MAP3K7: variants seen among roughly 807,000 people sequenced by gnomAD.
MAP3K7 encodes TGF-beta activated kinase 1.
In MAP3K7, 21 loss-of-function variants were observed where a neutral mutation model predicts 84.8. The ratio of observed to expected loss-of-function variants is 0.25; its 90% CI spans 0.18 to 0.36. The LOEUF is 0.36. Ranked by LOEUF, MAP3K7 falls within the 10% of genes least tolerant of loss-of-function variation. The pLI is 1.00. For synonymous variants in MAP3K7, 241 were observed against 247.7 expected, an observed-to-expected ratio of 0.97 and a Z score of 0.25; for missense variants, 503 against 747.7, an observed-to-expected ratio of 0.67 and a Z score of 3.82.
At chr6:90,560,362 T>C (rs930477895) in intron 4 of MAP3K7, 148 bp from the exon 5 acceptor site, 4 of 869,232 alleles carry the variant, frequency 4.6e-6, no homozygotes, top group Admixed American at 3.0e-5. Flanking sequence ...TTTTACTTTC[T>C]TTTTTCTTTT....
At chr6:90,525,681 T>A in intron 13 of MAP3K7, among the ~76,000 whole-genome samples, 1 of 150,212 alleles carries the variant, frequency 6.7e-6, no homozygotes, top group East Asian at 2.0e-4. Context: ...GATCCTTCCA[T>A]CTCAGCCTCC....
chr6:90,579,510 A>G (rs1468855439), intron 1 of MAP3K7, among the ~76,000 whole-genome samples: 1 of 152,106 alleles, frequency 6.6e-6, no homozygotes, highest in Admixed American at 6.6e-5. Flanking sequence ...TCTCCCATCC[A>G]GGTTTTTTGC....
intron 1 of MAP3K7, among the ~76,000 whole-genome samples, chr6:90,575,948 C>G (rs958503351): frequency 6.6e-6 from 1 of 152,034 alleles, no homozygotes; most frequent in African/African-American, 2.4e-5. Flanking sequence ...AATGTACTTT[C>G]TAGCGTATGT....
chr6:90,576,874 T>C (rs1393658004), intron 1 of MAP3K7, among the ~76,000 whole-genome samples: 1 of 152,124 alleles, frequency 6.6e-6, no homozygotes. Flanking sequence ...AAGGTAAGGC[T>C]GGAGGGACAG....
Position 90,552,154 on chromosome 6 carries a change from A to C in MAP3K7, c.762T>G (p.Asn254Lys), listed in dbSNP as rs2127974480. 1 of 1,610,892 alleles carries C rather than the reference A, an allele frequency of 6.2e-7. No homozygotes were observed. The highest frequency in any genetic ancestry group is 2.2e-5 in the East Asian group (1 of 44,804). The change falls in exon 8 of 17, where the codon AAT (asparagine) becomes AAG (lysine). Residue 254 changes from asparagine (N) to lysine (K), a missense_variant. Coordinates refer to ENST00000369329, the MANE Select transcript of MAP3K7 (RefSeq NM_145331.3). Reference sequence around the variant, plus strand: ...TCAGGCTCTCAATGGGCTTAGGTAAATTTTTTATCAGTGGTGGTCGAGTAC... The same window carrying C: ...TCAGGCTCTCAATGGGCTTAGGTAACTTTTTTATCAGTGGTGGTCGAGTAC... ...HNGTRPPLIK[N>K]LPKPIESLMT...
chr6:90,524,720 T>A (rs566193913), intron 13 of MAP3K7, among the ~76,000 whole-genome samples: 9 of 152,020 alleles, frequency 5.9e-5, no homozygotes, highest in African/African-American at 2.2e-4. Flanking sequence ...GGAATAGTGA[T>A]AAACAGGGAA....
chr6:90,584,379 G>A (rs1777374923), intron 1 of MAP3K7, among the ~76,000 whole-genome samples: 2 of 151,996 alleles, frequency 1.3e-5, no homozygotes, highest in African/African-American at 4.8e-5. Context: ...ATGCAAAAAT[G>A]AACTAAGTAT....
intron 13 of MAP3K7, among the ~76,000 whole-genome samples, chr6:90,525,878 A>G (rs1187098322): frequency 1.3e-5 from 2 of 151,248 alleles, no homozygotes; most frequent in African/African-American, 2.4e-5. Flanking sequence ...ACAATTCAAA[A>G]TTTATATGCT....
intron 7 of MAP3K7, 47 bp from the exon 8 acceptor site, chr6:90,552,226 A>G: frequency 6.5e-7 from 1 of 1,543,374 alleles, no homozygotes; most frequent in Non-Finnish European, 8.9e-7. Flanking sequence ...ATTTACCCAA[A>G]GAATGATGCA....
intron 2 of MAP3K7, among the ~76,000 whole-genome samples, chr6:90,569,366 C>T (rs562631308): frequency 6.6e-6 from 1 of 152,296 alleles, no homozygotes; most frequent in South Asian, 2.1e-4. Flanking sequence ...ATCATTATAG[C>T]CTACTAGCTG....
intron 16 of MAP3K7, 70 bp downstream of exon 16, chr6:90,518,377 T>C (rs1469714879): frequency 9.8e-6 from 8 of 813,936 alleles, no homozygotes; most frequent in East Asian, 2.7e-5. Flanking sequence ...TACGTTTTCA[T>C]TGCACCTTAT....
chr6:90,555,591 T>C (rs1776312034), intron 6 of MAP3K7, among the ~76,000 whole-genome samples: 3 of 152,158 alleles, frequency 2.0e-5, no homozygotes, highest in Non-Finnish European at 2.9e-5. Context: ...ATTTAAACTT[T>C]AGGGCTCTCA....
At chr6:90,568,163 C>G (rs1271974374) in intron 3 of MAP3K7, among the ~76,000 whole-genome samples, 1 of 151,820 alleles carries the variant, frequency 6.6e-6, no homozygotes, top group Non-Finnish European at 1.5e-5. Flanking sequence ...TGTATACATA[C>G]GTAACAAACC....
chr6:90,569,422 C>T (rs965524864), intron 2 of MAP3K7, among the ~76,000 whole-genome samples: 7 of 152,182 alleles, frequency 4.6e-5, no homozygotes, highest in African/African-American at 1.4e-4. Flanking sequence ...ATGATCCATA[C>T]AGAGGTCAAT....
intron 14 of MAP3K7, among the ~76,000 whole-genome samples, chr6:90,520,997 T>C (rs1026740768): frequency 6.6e-6 from 1 of 152,140 alleles, no homozygotes; most frequent in Non-Finnish European, 1.5e-5. Context: ...GTATCTGATA[T>C]GTATTTTAGA....
chr6:90,576,419 TCACACACACA>T (rs11468988), intron 1 of MAP3K7, among the ~76,000 whole-genome samples: 8,317 of 136,722 alleles, frequency 0.061, 255 homozygotes, highest in African/African-American at 0.072. Flanking sequence ...CTAGACTCTG[TCACACACACA>T]CACACACACA....
At chr6:90,524,121 A>T (rs1775244754) in intron 13 of MAP3K7, among the ~76,000 whole-genome samples, 1 of 152,186 alleles carries the variant, frequency 6.6e-6, no homozygotes, top group African/African-American at 2.4e-5. Flanking sequence ...CTGCACTCAG[A>T]GGAATGGACC....
intron 1 of MAP3K7, among the ~76,000 whole-genome samples, chr6:90,578,639 T>C (rs967995829): frequency 1.3e-5 from 2 of 152,158 alleles, no homozygotes; most frequent in African/African-American, 4.8e-5. Flanking sequence ...GAGTAGAAGA[T>C]AGAATAATCA....
intron 3 of MAP3K7, among the ~76,000 whole-genome samples, chr6:90,562,590 T>C (rs1479090853): frequency 2.0e-5 from 3 of 152,168 alleles, no homozygotes; most frequent in African/African-American, 7.2e-5. Context: ...TCGAACTGGG[T>C]GGAGCCCACC....
Sources: gnomAD v4.1 joint callset for allele counts (sites outside exome capture counted in the v4.1 genomes callset) on GRCh38, gnomAD v4.1.1 for gene constraint, MANE v1.5 for transcripts, NCBI Gene and HGNC (gene_info 2026-07-23, HGNC 2026-07-21) for gene names.